The following SPIDR variants were observed in gnomAD, a reference collection of about 807,000 sequenced individuals.
The protein encoded by SPIDR is DNA repair-scaffolding protein.
A neutral mutation model predicts 104.6 loss-of-function variants in SPIDR; 93 were observed. The ratio of observed to expected loss-of-function variants is 0.89; its 90% CI spans 0.75 to 1.06. The LOEUF is 1.06. Ranked by LOEUF, SPIDR falls within the 50% of genes least tolerant of loss-of-function variation. The probability of loss-of-function intolerance (pLI) is 0.00; values close to 1 mark genes in which losing one functional copy is unlikely to be tolerated. For missense variants in SPIDR, 1,154 were observed against 1,111.2 expected, an observed-to-expected ratio of 1.04 and a Z score of -0.55; for synonymous variants, 431 against 416.9, an observed-to-expected ratio of 1.03 and a Z score of -0.41.
chr8:47,386,294 T>G (rs1439308228), intron 5 of SPIDR, among the ~76,000 whole-genome samples: 1 of 152,180 alleles, frequency 6.6e-6, no homozygotes, highest in Non-Finnish European at 1.5e-5. Context: ...TGCCCTTCAT[T>G]TATTTTCTTT....
At chr8:47,707,730 A>C (rs1363990520) in intron 14 of SPIDR, among the ~76,000 whole-genome samples, 1 of 152,164 alleles carries the variant, frequency 6.6e-6, no homozygotes, top group East Asian at 1.9e-4. Context: ...TTAATTTTAC[A>C]CTTTACCTTC....
At chr8:47,679,142 T>C (rs2076794421) in intron 11 of SPIDR, among the ~76,000 whole-genome samples, 1 of 152,214 alleles carries the variant, frequency 6.6e-6, no homozygotes, top group Non-Finnish European at 1.5e-5. Flanking sequence ...TGCAGCTCAC[T>C]CTGGTGCCTG....
chr8:47,517,417 C>T (rs1475863627), intron 8 of SPIDR, among the ~76,000 whole-genome samples: 3 of 152,212 alleles, frequency 2.0e-5, no homozygotes, highest in African/African-American at 4.8e-5. Context: ...CAACCCTCCC[C>T]ATGCCCACAG....
chr8:47,650,803 C>G (rs934272745), intron 10 of SPIDR, among the ~76,000 whole-genome samples: 1 of 152,012 alleles, frequency 6.6e-6, no homozygotes, highest in African/African-American at 2.4e-5. Context: ...AGGCCAAATA[C>G]TTACAGTTAA....
chr8:47,583,781 G>C (rs561990235), intron 8 of SPIDR, among the ~76,000 whole-genome samples: 2 of 152,352 alleles, frequency 1.3e-5, no homozygotes, highest in African/African-American at 4.8e-5. Flanking sequence ...TCCCTGGGCA[G>C]TGCCCATGTG....
chr8:47,647,097 C>G (rs1318708689), intron 10 of SPIDR, among the ~76,000 whole-genome samples: 2 of 152,220 alleles, frequency 1.3e-5, no homozygotes, highest in East Asian at 3.9e-4. Context: ...ATATGACATA[C>G]AGCTTGATAT....
intron 8 of SPIDR, among the ~76,000 whole-genome samples, chr8:47,521,668 C>T (rs538470400): frequency 2.8e-3 from 418 of 151,508 alleles, no homozygotes; most frequent in African/African-American, 9.9e-3. Context: ...GTGATCCGCC[C>T]ACCTCAGCCT....
At position 47,713,526 on chromosome 8, in the gene SPIDR, T is replaced by C. The variant is rs1196423961; in HGVS notation, c.2226T>C (p.Leu742=). 1 of 1,614,190 alleles carries C rather than the reference T, an allele frequency of 6.2e-7. No homozygotes were observed. Among genetic ancestry groups the C allele is most frequent in the African/African-American group, 1.3e-5 (1 of 75,050 alleles). ...IVCAERTVLL[L]QKPLLSVVSG... ...GTGCTGAACGAACTGTCCTCTTGCT[T>C]CAGAAGCCCCTTTTGAGTGTGGTCT... The change falls in exon 16 of 20, where the codon CTT becomes CTC. Residue 742 remains leucine, a synonymous_variant. Transcript: ENST00000297423.
chr8:47,610,563 GACCC>G (rs1450969799), intron 10 of SPIDR, among the ~76,000 whole-genome samples: 1 of 152,192 alleles, frequency 6.6e-6, no homozygotes, highest in Non-Finnish European at 1.5e-5. Flanking sequence ...GCTGCTGCTA[GACCC>G]AGAGCACTTG....
chr8:47,466,898 A>T (rs1360915004), intron 8 of SPIDR, among the ~76,000 whole-genome samples: 7 of 86,872 alleles, frequency 8.1e-5, no homozygotes, highest in Admixed American at 3.5e-4. Context: ...AAAAAAAAAA[A>T]AAATATATAT....
chr8:47,403,122 A>G (rs1029082412), intron 6 of SPIDR, among the ~76,000 whole-genome samples: 3 of 152,244 alleles, frequency 2.0e-5, no homozygotes, highest in South Asian at 4.1e-4. Context: ...ATCTCAATAG[A>G]TGCAGAAAAG....
intron 8 of SPIDR, among the ~76,000 whole-genome samples, chr8:47,514,436 C>T (rs187742096): frequency 4.8e-4 from 73 of 152,180 alleles, no homozygotes; most frequent in African/African-American, 1.5e-3. Context: ...CTCCTTGTTA[C>T]CTGTTTGAGG....
chr8:47,578,961 TAAAAGG>T (rs1302494375), intron 8 of SPIDR, among the ~76,000 whole-genome samples: 1 of 152,162 alleles, frequency 6.6e-6, no homozygotes, highest in Non-Finnish European at 1.5e-5. Flanking sequence ...AAGCTGAAAA[TAAAAGG>T]AATATGAGGC....
intron 8 of SPIDR, among the ~76,000 whole-genome samples, chr8:47,589,079 G>T (rs2060670388): frequency 9.9e-6 from 1 of 100,802 alleles, no homozygotes; most frequent in African/African-American, 3.8e-5. Context: ...AGTAATACTT[G>T]CTTTATAAAA....
intron 8 of SPIDR, among the ~76,000 whole-genome samples, chr8:47,500,328 C>T (rs2080183363): frequency 6.6e-6 from 1 of 152,148 alleles, no homozygotes; most frequent in Non-Finnish European, 1.5e-5. Context: ...TTTTAATTAT[C>T]ACCATTCTAA....
chr8:47,309,818 C>T (rs1197258277), intron 5 of SPIDR, among the ~76,000 whole-genome samples: 1 of 151,982 alleles, frequency 6.6e-6, no homozygotes, highest in Non-Finnish European at 1.5e-5. Flanking sequence ...GTGGGCGGAT[C>T]ACGAGGTCAG....
chr8:47,442,217 A>T (rs1459364089), intron 8 of SPIDR, among the ~76,000 whole-genome samples: 1 of 152,188 alleles, frequency 6.6e-6, no homozygotes, highest in Admixed American at 6.5e-5. Flanking sequence ...TAGAAAGTGA[A>T]TCCTCTTACC....
At chr8:47,436,266 G>A (rs1204800990) in intron 7 of SPIDR, among the ~76,000 whole-genome samples, 1 of 152,222 alleles carries the variant, frequency 6.6e-6, no homozygotes, top group Non-Finnish European at 1.5e-5. Context: ...TTCTGGCTGG[G>A]ATTCAGAAAA....
chr8:47,455,962 T>G (rs2072881783), intron 8 of SPIDR, among the ~76,000 whole-genome samples: 1 of 152,072 alleles, frequency 6.6e-6, no homozygotes, highest in South Asian at 2.1e-4. Flanking sequence ...AGGAGAGCCG[T>G]AAGGAAATAA....
Sources: gnomAD v4.1 joint callset for allele counts (sites outside exome capture counted in the v4.1 genomes callset) on GRCh38, gnomAD v4.1.1 for gene constraint, MANE v1.5 for transcripts, NCBI Gene and HGNC (gene_info 2026-07-23, HGNC 2026-07-21) for gene names.